Variants in FOXO3 observed in about 807,000 individuals in gnomAD.
The protein encoded by FOXO3 is forkhead box protein O3.
FOXO3 carries 4 observed loss-of-function variants against 41.9 expected under a neutral mutation model. The observed-to-expected ratio is 0.10, with a 90% CI of 0.05 to 0.22. The LOEUF is 0.22. Ranked by LOEUF, FOXO3 falls within the 10% of genes least tolerant of loss-of-function variation. The probability of loss-of-function intolerance (pLI) is 1.00; values close to 1 mark genes in which losing one functional copy is unlikely to be tolerated. For synonymous variants in FOXO3, 318 were observed against 389.3 expected, an observed-to-expected ratio of 0.82 and a Z score of 2.16; for missense variants, 534 against 906.8, an observed-to-expected ratio of 0.59 and a Z score of 5.28.
intron 1 of FOXO3, among the ~76,000 whole-genome samples, chr6:108,628,767 G>C (rs968211591): frequency 6.6e-6 from 1 of 152,136 alleles, no homozygotes; most frequent in African/African-American, 2.4e-5. Flanking sequence ...CCCTGGGATA[G>C]TGTGGAGAGG....
intron 1 of FOXO3, among the ~76,000 whole-genome samples, chr6:108,636,294 A>T (rs1042308385): frequency 9.2e-5 from 14 of 152,264 alleles, no homozygotes; most frequent in African/African-American, 3.4e-4. Context: ...TGTTAGTTTG[A>T]TCTCACAGAG....
At chr6:108,652,062 G>A (rs1778560798) in intron 1 of FOXO3, among the ~76,000 whole-genome samples, 5 of 152,184 alleles carry the variant, frequency 3.3e-5, no homozygotes, top group Admixed American at 1.3e-4. Flanking sequence ...GATCCGTAAC[G>A]TGGTGCCAGC....
chr6:108,658,020 C>A (rs557779468), intron 1 of FOXO3, among the ~76,000 whole-genome samples: 1 of 152,170 alleles, frequency 6.6e-6, no homozygotes, highest in Non-Finnish European at 1.5e-5. Context: ...ATGTGAGTTT[C>A]TTCTGCGGGG....
chr6:108,607,163 A>T (rs1352334273), intron 1 of FOXO3, among the ~76,000 whole-genome samples: 1 of 151,392 alleles, frequency 6.6e-6, no homozygotes, highest in African/African-American at 2.5e-5. Flanking sequence ...TAGAAGAATA[A>T]TATTTCAGCT....
intron 1 of FOXO3, among the ~76,000 whole-genome samples, chr6:108,571,137 G>T (rs1776087642): frequency 6.6e-6 from 1 of 152,186 alleles, no homozygotes; most frequent in East Asian, 1.9e-4. Context: ...ATTTTCCAAA[G>T]CTTCACAGTT....
chr6:108,587,113 C>G lies in FOXO3; in HGVS notation c.621+25284C>G, dbSNP rs1230350999. Among the ~76,000 whole-genome samples the G allele has an allele frequency of 2.0e-5, 3 of 151,906 alleles. No homozygotes were observed. The East Asian group carries it at 5.8e-4, about 29-fold the overall frequency. On this transcript the variant is annotated intron_variant, in intron 1 of 2. Coordinates refer to ENST00000406360, the MANE Select transcript of FOXO3 (RefSeq NM_001455.4). The stretch of plus-strand genomic sequence containing the variant: ...TGTGAGCCACCATGCCCAGCCTATT[C>G]GTTTTTAATTTCTGAAGAAACTGAG...
At chr6:108,619,963 A>G (rs1212844003) in intron 1 of FOXO3, among the ~76,000 whole-genome samples, 2 of 152,156 alleles carry the variant, frequency 1.3e-5, no homozygotes, top group Non-Finnish European at 1.5e-5. Flanking sequence ...GAGGTTTCAT[A>G]TCCTAAACCT....
chr6:108,560,876 G>T, upstream of FOXO3: 1 of 946,754 alleles, frequency 1.1e-6, no homozygotes, highest in Non-Finnish European at 1.4e-6. Flanking sequence ...GCGCGAGGCC[G>T]TCGATTCGCT....
At position 108,565,866 on chromosome 6, in the gene FOXO3, A is replaced by AT. The variant is rs971693029; in HGVS notation, c.621+4046dup. On this transcript the variant is annotated intron_variant, in intron 1 of 2. Coordinates refer to ENST00000406360, the MANE Select transcript of FOXO3 (RefSeq NM_001455.4). ...TATTTTAACTGCAACTCTGTTTTAA[A>AT]TTTTTTTTTAATTTGAAAATGACTA... 1.4e-3 allele frequency among the ~76,000 whole-genome samples: 207 copies of AT among 151,882 alleles called. 2 individuals are homozygous for AT. The highest frequency in any genetic ancestry group is 4.6e-3 in the African/African-American group (191 of 41,400).
chr6:108,642,235 C>T (rs951088151), intron 1 of FOXO3, among the ~76,000 whole-genome samples: 9 of 151,930 alleles, frequency 5.9e-5, no homozygotes, highest in Admixed American at 3.9e-4. Context: ...ACTATAGGCA[C>T]GCATTATCAT....
intron 1 of FOXO3, among the ~76,000 whole-genome samples, chr6:108,562,764 G>A (rs957391131): frequency 3.3e-5 from 5 of 152,190 alleles, no homozygotes; most frequent in Non-Finnish European, 7.3e-5. Flanking sequence ...CACGTGGTAG[G>A]GAGAGAGGTG....
intron 1 of FOXO3, among the ~76,000 whole-genome samples, chr6:108,572,474 T>C (rs1429798812): frequency 6.6e-6 from 1 of 152,180 alleles, no homozygotes; most frequent in Non-Finnish European, 1.5e-5. Flanking sequence ...AAAAACCAGC[T>C]CTTCTTTTAA....
intron 1 of FOXO3, among the ~76,000 whole-genome samples, chr6:108,585,394 T>C (rs1776555248): frequency 6.6e-6 from 1 of 152,236 alleles, no homozygotes; most frequent in African/African-American, 2.4e-5. Flanking sequence ...CTTATTTATT[T>C]TCCCAGCTCC....
intron 1 of FOXO3, among the ~76,000 whole-genome samples, chr6:108,566,564 C>T (rs1175047428): frequency 6.6e-6 from 1 of 152,040 alleles, no homozygotes; most frequent in African/African-American, 2.4e-5. Context: ...ATAGCAAAAC[C>T]CCATCTTATT....
intron 1 of FOXO3, among the ~76,000 whole-genome samples, chr6:108,612,157 A>G (rs138278904): frequency 9.3e-4 from 141 of 152,360 alleles, no homozygotes; most frequent in African/African-American, 3.3e-3. Flanking sequence ...GTTTTAAAAT[A>G]CAATTCTTAC....
intron 1 of FOXO3, among the ~76,000 whole-genome samples, chr6:108,646,375 A>G (rs1778393617): frequency 1.3e-5 from 2 of 152,348 alleles, no homozygotes; most frequent in South Asian, 4.1e-4. Flanking sequence ...AGTCTGTTCT[A>G]CTAAGTCAAA....
chr6:108,641,482 A>G (rs888726472), intron 1 of FOXO3, among the ~76,000 whole-genome samples: 5 of 152,138 alleles, frequency 3.3e-5, no homozygotes, highest in Non-Finnish European at 7.4e-5. Context: ...TAAACTCTAA[A>G]GCCTCTTACC....
intron 1 of FOXO3, among the ~76,000 whole-genome samples, chr6:108,606,798 G>A (rs1777215454): frequency 6.6e-6 from 1 of 152,112 alleles, no homozygotes; most frequent in South Asian, 2.1e-4. Context: ...AAAGCCTTAT[G>A]TATTCTAGCT....
chr6:108,629,065 ACAG>A (rs2128375308), intron 1 of FOXO3, among the ~76,000 whole-genome samples: 2 of 152,234 alleles, frequency 1.3e-5, no homozygotes, highest in South Asian at 4.1e-4. Context: ...TCCATTTTTC[ACAG>A]GTAAATCCTA....
Sources: gnomAD v4.1 joint callset for allele counts (sites outside exome capture counted in the v4.1 genomes callset) on GRCh38, gnomAD v4.1.1 for gene constraint, MANE v1.5 for transcripts, NCBI Gene and HGNC (gene_info 2026-07-23, HGNC 2026-07-21) for gene names.